SH3RF3: variants seen among roughly 807,000 people sequenced by gnomAD.
SH3RF3 encodes SH3 domain containing ring finger 3.
In SH3RF3, 29 loss-of-function variants were observed where a neutral mutation model predicts 66.3. The observed-to-expected ratio is 0.44, with a 90% CI of 0.33 to 0.60. The LOEUF (loss-of-function observed/expected upper bound fraction) is 0.60, where lower values mean the gene tolerates loss of function less well. Ranked by LOEUF, SH3RF3 falls within the 20% of genes least tolerant of loss-of-function variation. SH3RF3 has a pLI of 0.04. For missense variants in SH3RF3, 1,194 were observed against 1,190.9 expected (o/e 1.00, Z -0.04); for synonymous variants, 583 against 532.0 (o/e 1.10, Z -1.32).
At chr2:109,382,489 T>C (rs1403537730) in intron 3 of SH3RF3, among the ~76,000 whole-genome samples, 2 of 152,152 alleles carry the variant, frequency 1.3e-5, no homozygotes, top group Non-Finnish European at 2.9e-5. Flanking sequence ...CTCATCTGCA[T>C]GAACTCTCCA....
At chr2:109,253,247 G>A (rs1447039500) in intron 1 of SH3RF3, among the ~76,000 whole-genome samples, 3 of 152,158 alleles carry the variant, frequency 2.0e-5, no homozygotes, top group Admixed American at 1.3e-4. Flanking sequence ...TTGAACTCCT[G>A]ACCTGAAGTG....
At chr2:109,279,363 C>T (rs1452174693) in intron 1 of SH3RF3, among the ~76,000 whole-genome samples, 5 of 152,206 alleles carry the variant, frequency 3.3e-5, no homozygotes, top group Non-Finnish European at 5.9e-5. Context: ...TAGGCTAAAT[C>T]GGCAGTGGCA....
intron 1 of SH3RF3, among the ~76,000 whole-genome samples, chr2:109,345,687 T>C (rs1161430432): frequency 1.3e-5 from 2 of 152,224 alleles, no homozygotes; most frequent in Non-Finnish European, 2.9e-5. Context: ...ACTCCCCTCA[T>C]GAAAATAAAT....
chr2:109,268,326 C>G (rs537264483), intron 1 of SH3RF3, among the ~76,000 whole-genome samples: 44 of 151,978 alleles, frequency 2.9e-4, no homozygotes, highest in Non-Finnish European at 4.6e-4. Flanking sequence ...GACCCCCTCA[C>G]CCACAAGGAC....
intron 8 of SH3RF3, among the ~76,000 whole-genome samples, chr2:109,489,729 G>C (rs142828866): frequency 0.24 from 30,762 of 130,850 alleles, 3,901 homozygotes; most frequent in Admixed American, 0.37. Flanking sequence ...GTCGGACAAG[G>C]TTTTTTTTGG....
intron 1 of SH3RF3, among the ~76,000 whole-genome samples, chr2:109,135,928 T>A (rs770766326): frequency 2.6e-5 from 4 of 152,162 alleles, no homozygotes; most frequent in Non-Finnish European, 5.9e-5. Flanking sequence ...GGGAGAATAA[T>A]CCTGCTCAGT....
At chr2:109,150,260 A>T (rs543573902) in intron 1 of SH3RF3, among the ~76,000 whole-genome samples, 2 of 152,154 alleles carry the variant, frequency 1.3e-5, no homozygotes, top group South Asian at 2.1e-4. Flanking sequence ...GCAAGCATGG[A>T]AGCCTAGGGT....
chr2:109,258,779 C>T (rs1296364990), intron 1 of SH3RF3, among the ~76,000 whole-genome samples: 2 of 152,226 alleles, frequency 1.3e-5, no homozygotes, highest in Admixed American at 1.3e-4. Context: ...CTGCTGTTGT[C>T]CTTCCTAATA....
chr2:109,137,140 C>G (rs1421611255), intron 1 of SH3RF3, among the ~76,000 whole-genome samples: 1 of 152,174 alleles, frequency 6.6e-6, no homozygotes, highest in African/African-American at 2.4e-5. Flanking sequence ...GTGTCTATAT[C>G]TTTTTATTCT....
chr2:109,210,395 C>T (rs1480851060), intron 1 of SH3RF3, among the ~76,000 whole-genome samples: 2 of 152,198 alleles, frequency 1.3e-5, no homozygotes, highest in Non-Finnish European at 1.5e-5. Flanking sequence ...CTTTTCCGTG[C>T]TCCCTCGTTT....
intron 3 of SH3RF3, among the ~76,000 whole-genome samples, chr2:109,384,382 C>G (rs922864349): frequency 6.6e-6 from 1 of 151,884 alleles, no homozygotes; most frequent in African/African-American, 2.4e-5. Context: ...TGTCAGCGCT[C>G]GGGACTTGGC....
chr2:109,210,868 C>T (rs1309692071), intron 1 of SH3RF3, among the ~76,000 whole-genome samples: 1 of 152,168 alleles, frequency 6.6e-6, no homozygotes, highest in Non-Finnish European at 1.5e-5. Flanking sequence ...GGTGAGAAAT[C>T]TTTATTTTAA....
Position 109,277,382 on chromosome 2 carries a change from G to A in SH3RF3, c.574-70292G>A, listed in dbSNP as rs553903743. 2.6e-5 allele frequency among the ~76,000 whole-genome samples: 4 copies of A among 152,180 alleles called. No homozygotes were observed. The East Asian group carries it at 7.7e-4, about 29-fold the overall frequency. The stretch of plus-strand genomic sequence containing the variant: ...CATTTACTGCTCTTTATGTGACCCC[G>A]GCCTCGGTGATGGAAATCAACTTTG... On this transcript the variant is annotated intron_variant, in intron 1 of 9. Transcript: ENST00000309415.
chr2:109,437,161 GC>G lies in SH3RF3; in HGVS notation c.1828+17del. 1 of 1,598,854 alleles carries G rather than the reference GC, an allele frequency of 6.3e-7. No homozygotes were observed. Among genetic ancestry groups the G allele is most frequent in the Non-Finnish European group, 8.5e-7 (1 of 1,170,092 alleles). On this transcript the variant is annotated intron_variant, in intron 7 of 9. Coordinates refer to ENST00000309415, the MANE Select transcript of SH3RF3 (RefSeq NM_001099289.3). ...CATTTCAACAGGTACCTTCACAGGG[GC>G]CTCACCCTGCAGGGCATCAACAAGG...
At chr2:109,317,343 G>A (rs1341419764) in intron 1 of SH3RF3, among the ~76,000 whole-genome samples, 1 of 152,134 alleles carries the variant, frequency 6.6e-6, no homozygotes, top group Non-Finnish European at 1.5e-5. Context: ...GGGCAGGTGG[G>A]CAGGTGCCGC....
intron 1 of SH3RF3, among the ~76,000 whole-genome samples, chr2:109,169,452 G>C (rs550508625): frequency 1.3e-5 from 2 of 152,196 alleles, no homozygotes; most frequent in South Asian, 4.1e-4. Flanking sequence ...TGGTGGAGGA[G>C]GGTGTTGAAT....
chr2:109,375,752 C>T (rs10192569), intron 3 of SH3RF3, among the ~76,000 whole-genome samples: 59,110 of 152,130 alleles, frequency 0.39, 11,778 homozygotes, highest in African/African-American at 0.45. Flanking sequence ...CCCTCTCTTT[C>T]TGCACAGGGT....
intron 3 of SH3RF3, among the ~76,000 whole-genome samples, chr2:109,376,988 A>G (rs552167665): frequency 2.6e-5 from 4 of 152,362 alleles, no homozygotes; most frequent in Admixed American, 2.6e-4. Flanking sequence ...GCCAGCACAT[A>G]CCCCAGACAG....
chr2:109,438,252 A>G (rs779542571), intron 7 of SH3RF3, among the ~76,000 whole-genome samples: 33 of 152,154 alleles, frequency 2.2e-4, no homozygotes, highest in Non-Finnish European at 4.4e-4. Context: ...AAGTGGGTGC[A>G]GGGTAGACTT....
Sources: gnomAD v4.1 joint callset for allele counts (sites outside exome capture counted in the v4.1 genomes callset) on GRCh38, gnomAD v4.1.1 for gene constraint, MANE v1.5 for transcripts, NCBI Gene and HGNC (gene_info 2026-07-23, HGNC 2026-07-21) for gene names.